The following WWTR1 variants were observed in gnomAD, a reference collection of about 807,000 sequenced individuals.
WWTR1 encodes the protein WW domain-containing transcription regulator protein 1.
Under a neutral mutation model 40.1 loss-of-function variants are expected in WWTR1, and 13 were observed. The observed-to-expected ratio is 0.32, with a 90% confidence interval of 0.21 to 0.52. The LOEUF (loss-of-function observed/expected upper bound fraction) is 0.52, where lower values mean the gene tolerates loss of function less well. Among genes scored for constraint, WWTR1 ranks in the 20% least tolerant of loss-of-function variants. The probability of loss-of-function intolerance (pLI) is 0.97; values close to 1 mark genes in which losing one functional copy is unlikely to be tolerated. For missense variants in WWTR1, 436 were observed against 523.1 expected, an observed-to-expected ratio of 0.83 and a Z score of 1.63; for synonymous variants, 230 against 210.1, an observed-to-expected ratio of 1.09 and a Z score of -0.82.
rs567087508 is a variant in WWTR1, at chr3:149,657,750, T to G, written c.-4+15A>C. ...AGTGGTGCCGGATGAGCGCGCGAGC[T>G]CCAGCGGGCACTACCTGGGCGGGCA... On this transcript the variant is annotated intron_variant, in intron 1 of 6. Transcript: ENST00000360632. The G allele has an allele frequency of 3.7e-3, 584 of 159,270 alleles. 3 individuals are homozygous for G. Among genetic ancestry groups the G allele is most frequent in the African/African-American group, 0.013 (552 of 41,598 alleles). The allele number at this position is 159,270 out of a possible 1,614,324, so 9.9% of individuals were successfully genotyped here.
At chr3:149,611,146 T>A (rs1739721110) in intron 2 of WWTR1, among the ~76,000 whole-genome samples, 4 of 152,120 alleles carry the variant, frequency 2.6e-5, no homozygotes, top group African/African-American at 9.7e-5. Context: ...CAAGACCTCA[T>A]CTTTAAAAAT....
At chr3:149,566,837 G>A (rs1384433641) in intron 3 of WWTR1, among the ~76,000 whole-genome samples, 1 of 151,604 alleles carries the variant, frequency 6.6e-6, no homozygotes, top group African/African-American at 2.4e-5. Context: ...ACACACATGT[G>A]TTTATAATTT....
intron 4 of WWTR1, 86 bp downstream of exon 4, chr3:149,542,249 A>G: frequency 6.9e-7 from 1 of 1,457,388 alleles, no homozygotes; most frequent in Non-Finnish European, 9.3e-7. Context: ...CTCTAGAAGA[A>G]TTACCCTGAA....
upstream of WWTR1, among the ~76,000 whole-genome samples, chr3:149,662,119 G>A (rs57138840): frequency 0.029 from 4,421 of 152,088 alleles, 211 homozygotes; most frequent in African/African-American, 0.1. Flanking sequence ...TAAAGATAAG[G>A]AAACTGGATC....
rs927313679 is a variant in WWTR1, at chr3:149,517,811, A to T, written c.*2994T>A. 3 of 152,220 alleles carry T rather than the reference A, an allele frequency of 2.0e-5. No individual in the cohort carries two copies. Among genetic ancestry groups the T allele is most frequent in the African/African-American group, 7.2e-5 (3 of 41,460 alleles). The allele number at this position is 152,220 out of a possible 1,614,324, so 9.4% of individuals were successfully genotyped here. On this transcript the variant is annotated 3_prime_UTR_variant, in exon 7 of 7. Coordinates refer to ENST00000360632, the MANE Select transcript of WWTR1 (RefSeq NM_015472.6). ...GTTTTGACAATGTATTTACTTCAAG[A>T]CAATGTATTTTATCAGGAAAAAATA... is the stretch of plus-strand genomic sequence containing the variant.
intron 3 of WWTR1, among the ~76,000 whole-genome samples, chr3:149,553,342 T>G (rs1736692963): frequency 6.6e-6 from 1 of 152,214 alleles, no homozygotes; most frequent in Non-Finnish European, 1.5e-5. Flanking sequence ...AATTTGGTGA[T>G]GAGGCCAAGT....
intron 2 of WWTR1, among the ~76,000 whole-genome samples, chr3:149,649,483 ACTT>A (rs61665543): frequency 0.052 from 7,848 of 152,282 alleles, 599 homozygotes; most frequent in East Asian, 0.24. Context: ...TCTTCATTTC[ACTT>A]CTTCTCCTAA....
chr3:149,704,187 CA>C (rs1715273715), upstream of WWTR1, among the ~76,000 whole-genome samples: 1 of 152,026 alleles, frequency 6.6e-6, no homozygotes, highest in African/African-American at 2.4e-5. Flanking sequence ...GCTGATTGAA[CA>C]AATGTGTTTA....
intron 2 of WWTR1, among the ~76,000 whole-genome samples, chr3:149,622,502 G>GAAGGAAGGAAGGAAGAAAGAAAGAAAGA (rs1553800283): frequency 6.5e-5 from 3 of 46,326 alleles, no homozygotes; most frequent in Non-Finnish European, 8.6e-5. Context: ...AGGAAGGAAG[G>GAAGGAAGGAAGGAAGAAAGAAAGAAAGA]AAGAAAGAAA....
intron 3 of WWTR1, among the ~76,000 whole-genome samples, chr3:149,566,126 C>T (rs1185029454): frequency 6.6e-6 from 1 of 151,920 alleles, no homozygotes; most frequent in African/African-American, 2.4e-5. Context: ...ACTAAGAGTT[C>T]GAGACCAGCC....
intron 2 of WWTR1, among the ~76,000 whole-genome samples, chr3:149,608,221 A>C (rs746252074): frequency 1.3e-5 from 2 of 152,052 alleles, no homozygotes; most frequent in African/African-American, 2.4e-5. Context: ...AGACTGCACA[A>C]AATAGAAAAA....
At chr3:149,577,754 C>T (rs1026665904) in intron 2 of WWTR1, among the ~76,000 whole-genome samples, 3 of 152,144 alleles carry the variant, frequency 2.0e-5, no homozygotes, top group Admixed American at 6.5e-5. Flanking sequence ...TTTTATTTAA[C>T]AGGTAAATTG....
At chr3:149,573,941 G>GATAT (rs10526073) in intron 2 of WWTR1, among the ~76,000 whole-genome samples, 3,254 of 149,822 alleles carry the variant, frequency 0.022, 106 homozygotes, top group African/African-American at 0.071. Context: ...GAAAGTTTGT[G>GATAT]ATATATATAT....
In WWTR1 at chr3:149,520,584, G is replaced by A. The variant is rs139243354; in HGVS notation, c.*221C>T. 19 of 397,118 alleles carry A rather than the reference G, an allele frequency of 4.8e-5. No individual in the cohort carries two copies. The highest frequency in any genetic ancestry group is 3.5e-4 in the East Asian group (9 of 25,420). The allele number at this position is 397,118 out of a possible 1,614,324, so 24.6% of individuals were successfully genotyped here. A position where few individuals can be genotyped will look rare whatever the true frequency, so the allele number is the denominator to read the frequency against. Reference sequence around the variant, plus strand: ...ATTCTGTATAATCTGTCACAAGAACGCAGGCTTGCAGAAAATGAAAATAGA... The same window carrying A: ...ATTCTGTATAATCTGTCACAAGAACACAGGCTTGCAGAAAATGAAAATAGA... On this transcript the variant is annotated 3_prime_UTR_variant, in exon 7 of 7. Coordinates refer to ENST00000360632, the MANE Select transcript of WWTR1 (RefSeq NM_015472.6).
At chr3:149,720,023 C>T (rs907681095) in intron 4 of WWTR1, among the ~76,000 whole-genome samples, 4 of 152,002 alleles carry the variant, frequency 2.6e-5, no homozygotes, top group African/African-American at 7.2e-5. Flanking sequence ...GATACTAATC[C>T]CTTATCAGAT....
chr3:149,622,450 A>AAAGG lies in WWTR1; in HGVS notation c.431+34422_431+34425dup, dbSNP rs1217598530. ...AAACCATATTTTCCCAGAAAGAAAG[A>AAAGG]AAGGAAGGAAGGAAGGAAGGAAGGA... On this transcript the variant is annotated intron_variant, in intron 2 of 6. Coordinates refer to ENST00000360632, the MANE Select transcript of WWTR1 (RefSeq NM_015472.6). Among the ~76,000 whole-genome samples, 346 of 98,592 alleles carry AAAGG rather than the reference A, an allele frequency of 3.5e-3. 2 individuals are homozygous for AAAGG. The highest frequency in any genetic ancestry group is 5.3e-3 in the Non-Finnish European group (249 of 47,380). 64.7% of individuals were successfully genotyped at this position (98,592 alleles called of 152,430 possible). A position where few individuals can be genotyped will look rare whatever the true frequency, so the allele number is the denominator to read the frequency against.
intron 5 of WWTR1, among the ~76,000 whole-genome samples, chr3:149,712,911 G>A (rs1308936875): frequency 6.6e-6 from 1 of 152,140 alleles, no homozygotes; most frequent in Non-Finnish European, 1.5e-5. Context: ...TCGCAAAAGT[G>A]GAAACTGAGA....
intron 5 of WWTR1, among the ~76,000 whole-genome samples, chr3:149,711,261 C>A (rs763150132): frequency 6.6e-6 from 1 of 151,688 alleles, no homozygotes; most frequent in Non-Finnish European, 1.5e-5. Context: ...AGTTCAGGAC[C>A]AGCCTGCTCA....
chr3:149,568,753 C>A (rs1737473926), intron 3 of WWTR1, among the ~76,000 whole-genome samples: 2 of 152,114 alleles, frequency 1.3e-5, no homozygotes, highest in South Asian at 4.1e-4. Flanking sequence ...AGGAATACAT[C>A]TAAAGCTCTT....
Sources: allele counts gnomAD v4.1 joint callset (sites outside exome capture counted in the v4.1 genomes callset), GRCh38; gene constraint gnomAD v4.1.1; transcripts MANE v1.5; gene names NCBI Gene and HGNC (gene_info 2026-07-23, HGNC 2026-07-21).